The following SPIN1 variants were observed in gnomAD, a reference collection of about 807,000 sequenced individuals.
SPIN1 encodes spindlin-1.
In SPIN1, 3 loss-of-function variants were observed where a neutral mutation model predicts 26.0. That is an observed-to-expected ratio of 0.12 (90% confidence interval 0.05 to 0.30). The LOEUF (loss-of-function observed/expected upper bound fraction) is 0.30. Among genes scored for constraint, SPIN1 ranks in the 10% least tolerant of loss-of-function variants. SPIN1 has a pLI of 1.00. For synonymous variants in SPIN1, 101 were observed against 116.5 expected, an observed-to-expected ratio of 0.87 and a Z score of 0.86; for missense variants, 126 against 333.4, an observed-to-expected ratio of 0.38 and a Z score of 4.84.
chr9:88,445,740 T>C (rs890094536), intron 2 of SPIN1, among the ~76,000 whole-genome samples: 1 of 151,566 alleles, frequency 6.6e-6, no homozygotes, highest in African/African-American at 2.4e-5. Context: ...TGTTTCACCA[T>C]GTTGGCCAGG....
At chr9:88,396,800 C>T (rs981623301) in intron 1 of SPIN1, among the ~76,000 whole-genome samples, 2 of 152,048 alleles carry the variant, frequency 1.3e-5, no homozygotes, top group Non-Finnish European at 2.9e-5. Flanking sequence ...CTACTAGGCA[C>T]CTAGGCTATG....
chr9:88,422,326 A>G (rs936852132), intron 1 of SPIN1, among the ~76,000 whole-genome samples: 1 of 152,168 alleles, frequency 6.6e-6, no homozygotes, highest in African/African-American at 2.4e-5. Context: ...TGTTTCCTTC[A>G]GTTTTTTCCT....
At chr9:88,454,480 T>C (rs949331263) in intron 3 of SPIN1, among the ~76,000 whole-genome samples, 1 of 152,194 alleles carries the variant, frequency 6.6e-6, no homozygotes, top group African/African-American at 2.4e-5. Context: ...CTTTAACTTT[T>C]GTTATTAATA....
rs186768550 is a variant in SPIN1, at chr9:88,414,445, A to G, written c.-158-11937A>G. The stretch of plus-strand genomic sequence containing the variant: ...CATTTCAGGGATTTAAAGGGCACCA[A>G]CTGGAGCTGGGACAAAGGCCATCCA... On this transcript the variant is annotated intron_variant, in intron 1 of 5. Transcript: ENST00000375859. Among the ~76,000 whole-genome samples, 16 of 152,340 alleles carry G rather than the reference A, an allele frequency of 1.1e-4. No homozygotes were observed. The East Asian group carries it at 1.9e-3, about 18-fold the overall frequency.
At chr9:88,473,649 G>GTGTGTGTGTT (rs1828834102) in intron 5 of SPIN1, among the ~76,000 whole-genome samples, 1 of 151,876 alleles carries the variant, frequency 6.6e-6, no homozygotes, top group African/African-American at 2.4e-5. Flanking sequence ...AAACTTGTGT[G>GTGTGTGTGTT]TGTGTGTGTG....
At chr9:88,423,489 A>C (rs1321829039) in intron 1 of SPIN1, among the ~76,000 whole-genome samples, 2 of 152,056 alleles carry the variant, frequency 1.3e-5, no homozygotes, top group Non-Finnish European at 1.5e-5. Context: ...CCCAGGCTGT[A>C]GTGCAGTGGT....
At chr9:88,390,664 AGAG>A (rs1355607208) in intron 1 of SPIN1, among the ~76,000 whole-genome samples, 2 of 152,220 alleles carry the variant, frequency 1.3e-5, no homozygotes, top group Non-Finnish European at 2.9e-5. Context: ...AATTGGAAGA[AGAG>A]AATCAACTAT....
intron 1 of SPIN1, among the ~76,000 whole-genome samples, chr9:88,410,163 G>T (rs1435614937): frequency 1.4e-5 from 1 of 70,374 alleles, no homozygotes; most frequent in Non-Finnish European, 2.4e-5. Context: ...CATATATTTA[G>T]TGTGTGTGTG....
At chr9:88,430,238 C>G (rs1398992227) in intron 2 of SPIN1, among the ~76,000 whole-genome samples, 1 of 152,188 alleles carries the variant, frequency 6.6e-6, no homozygotes, top group African/African-American at 2.4e-5. Context: ...AAGGCTTCTT[C>G]ACTCACATGG....
chr9:88,438,651 G>A (rs1828056657), intron 2 of SPIN1, among the ~76,000 whole-genome samples: 2 of 152,088 alleles, frequency 1.3e-5, no homozygotes, highest in Non-Finnish European at 2.9e-5. Context: ...TATGCCTTCT[G>A]GATCTGTCCA....
chr9:88,471,040 T>C (rs552789365), intron 5 of SPIN1, among the ~76,000 whole-genome samples: 6 of 152,352 alleles, frequency 3.9e-5, no homozygotes, highest in South Asian at 4.1e-4. Context: ...AAATGTTTTC[T>C]CCTATTCCAT....
intron 2 of SPIN1, among the ~76,000 whole-genome samples, chr9:88,445,676 G>T (rs374861992): frequency 1.3e-5 from 2 of 151,064 alleles, no homozygotes; most frequent in Admixed American, 1.3e-4. Flanking sequence ...AATTACAGAC[G>T]CCCACCACTA....
intron 1 of SPIN1, among the ~76,000 whole-genome samples, chr9:88,400,352 T>C (rs1827160758): frequency 6.6e-6 from 1 of 152,162 alleles, no homozygotes; most frequent in South Asian, 2.1e-4. Context: ...GGAAGGAACA[T>C]AAAGTTGAAT....
chr9:88,393,871 A>G (rs1826992304), intron 1 of SPIN1, among the ~76,000 whole-genome samples: 3 of 150,282 alleles, frequency 2.0e-5, no homozygotes, highest in South Asian at 2.1e-4. Flanking sequence ...AAATTTTGAG[A>G]CAGTCTTGCT....
In SPIN1 at chr9:88,477,418, CTT is replaced by C. The variant is rs1214663778; in HGVS notation, c.*2147_*2148del. 2 of 152,254 alleles carry C rather than the reference CTT, an allele frequency of 1.3e-5. No individual in the cohort carries two copies. The highest frequency in any genetic ancestry group is 3.4e-3 in the Middle Eastern group (1 of 292). 9.4% of individuals were successfully genotyped at this position (152,254 alleles called of 1,614,324 possible). ...GTTTTTCTGCAAGCAACTTTAATGA[CTT>C]TTTTTATACCACATGGTCTCCCAGT... On this transcript the variant is annotated 3_prime_UTR_variant, in exon 6 of 6. Transcript: ENST00000375859.
intron 3 of SPIN1, among the ~76,000 whole-genome samples, chr9:88,452,418 C>T (rs1828371777): frequency 6.6e-6 from 1 of 152,180 alleles, no homozygotes; most frequent in Non-Finnish European, 1.5e-5. Context: ...TTATTTCAGT[C>T]GTGGACATGA....
chr9:88,428,887 T>C (rs1827811611), intron 2 of SPIN1, among the ~76,000 whole-genome samples: 1 of 152,222 alleles, frequency 6.6e-6, no homozygotes, highest in Admixed American at 6.5e-5. Context: ...TCTCTTTCTT[T>C]TTTAAAGAGA....
chr9:88,433,364 T>C (rs990509041), intron 2 of SPIN1, among the ~76,000 whole-genome samples: 2 of 152,228 alleles, frequency 1.3e-5, no homozygotes, highest in African/African-American at 4.8e-5. Flanking sequence ...ACTACAGTCA[T>C]GCACCAGTGT....
intron 3 of SPIN1, among the ~76,000 whole-genome samples, chr9:88,459,676 C>A (rs1828539399): frequency 6.6e-6 from 1 of 152,180 alleles, no homozygotes; most frequent in Non-Finnish European, 1.5e-5. Context: ...TCCTTGCCGC[C>A]ATTTGTTCTA....
Sources: allele counts gnomAD v4.1 joint callset (sites outside exome capture counted in the v4.1 genomes callset), GRCh38; gene constraint gnomAD v4.1.1; transcripts MANE v1.5; gene names NCBI Gene and HGNC (gene_info 2026-07-23, HGNC 2026-07-21).